NOB1: variants seen among roughly 807,000 people sequenced by gnomAD.
The protein encoded by NOB1 is RNA-binding protein NOB1.
In NOB1, 44 loss-of-function variants were observed where a neutral mutation model predicts 44.8. The ratio of observed to expected loss-of-function variants is 0.98; its 90% confidence interval spans 0.77 to 1.26. The LOEUF (loss-of-function observed/expected upper bound fraction) is 1.26. Ranked by LOEUF, NOB1 falls within the 50% of genes most tolerant of loss-of-function variation. NOB1 has a pLI of 0.00. For missense variants in NOB1, 560 were observed against 544.8 expected (o/e 1.03, Z -0.28); for synonymous variants, 238 against 218.7 (o/e 1.09, Z -0.78).
At position 69,748,181 on chromosome 16, in the gene NOB1, CAGGA is replaced by C. The variant is rs200686202; in HGVS notation, c.824+47_824+50del. The stretch of plus-strand genomic sequence containing the variant: ...CTGTTTCTCAAAACAAAAAAAGAAA[CAGGA>C]AGAGTGTTCCACAGAGGGCACCAGG... On this transcript the variant is annotated intron_variant, in intron 7 of 8. Coordinates refer to ENST00000268802, the MANE Select transcript of NOB1 (RefSeq NM_014062.3). 3.8e-5 allele frequency: 52 copies of C among 1,385,746 alleles called. 1 individual carries two copies. The East Asian group carries it at 1.2e-3, about 32-fold the overall frequency. 85.8% of individuals were successfully genotyped at this position (1,385,746 alleles called of 1,614,324 possible).
Position 69,748,952 on chromosome 16 carries a change from C to T in NOB1, c.692G>A (p.Arg231Gln), listed in dbSNP as rs3811348. The T allele has an allele frequency of 0.54, 874,467 of 1,611,064 alleles. 247,806 individuals carry two copies. Among genetic ancestry groups the T allele is most frequent in the Non-Finnish European group, 0.59 (691,280 of 1,178,058 alleles). The change falls in exon 6 of 9, where the codon CGG (arginine) becomes CAG (glutamine). Residue 231 changes from arginine (R) to glutamine (Q), a missense_variant. Transcript: ENST00000268802. ...LEQCDVPEDVRVGCLTTDFAM... is the reference protein window; with the variant it reads ...LEQCDVPEDVQVGCLTTDFAM... ...GAAGTCTGTGGTCAGGCAGCCAACC[C>T]GCACGTCCTCGGGGACGTCACACTG...
At chr16:69,746,812 CAGG>C (rs995637252) in intron 7 of NOB1, among the ~76,000 whole-genome samples, 1 of 151,194 alleles carries the variant, frequency 6.6e-6, no homozygotes, top group African/African-American at 2.4e-5. Flanking sequence ...GAGGCTGGGA[CAGG>C]AGAATTGCTT....
chr16:69,752,834 C>A (rs1329019219), intron 2 of NOB1, among the ~76,000 whole-genome samples: 2 of 152,006 alleles, frequency 1.3e-5, no homozygotes, highest in East Asian at 3.9e-4. Flanking sequence ...ACTCAGGAGG[C>A]GGAGGCAGGA....
intron 6 of NOB1, 145 bp from the exon 7 acceptor site, chr16:69,748,474 G>A: frequency 3.0e-6 from 2 of 671,254 alleles, no homozygotes; most frequent in Non-Finnish European, 2.6e-6. Context: ...CTCTCAAGAT[G>A]TGTAAACGAG....
At chr16:69,753,215 C>G (rs187097072) in intron 2 of NOB1, among the ~76,000 whole-genome samples, 4 of 151,988 alleles carry the variant, frequency 2.6e-5, no homozygotes, top group African/African-American at 9.7e-5. Flanking sequence ...CAGCCAGACT[C>G]CATCTCAAAA....
chr16:69,747,587 A>AC (rs2038444041), intron 7 of NOB1, among the ~76,000 whole-genome samples: 1 of 151,766 alleles, frequency 6.6e-6, no homozygotes, highest in Non-Finnish European at 1.5e-5. Flanking sequence ...TTTTATCTTC[A>AC]CCCCCACCCA....
At chr16:69,750,597 C>CAA (rs2038475025) in intron 3 of NOB1, among the ~76,000 whole-genome samples, 1 of 152,138 alleles carries the variant, frequency 6.6e-6, no homozygotes, top group Admixed American at 6.5e-5. Context: ...CACTGTACTC[C>CAA]AGCCCAGGTG....
intron 8 of NOB1, among the ~76,000 whole-genome samples, chr16:69,743,708 G>C (rs377552666): frequency 6.6e-6 from 1 of 152,288 alleles, no homozygotes; most frequent in East Asian, 1.9e-4. Flanking sequence ...GTCGAAAAAA[G>C]ACAAGATGAC....
chr16:69,745,548 G>A (rs1466516573), intron 7 of NOB1, among the ~76,000 whole-genome samples: 1 of 152,212 alleles, frequency 6.6e-6, no homozygotes, highest in Non-Finnish European at 1.5e-5. Flanking sequence ...CAGCTCTGGA[G>A]GCGGCAGAGC....
chr16:69,749,789 C>A (rs191635528), intron 3 of NOB1, among the ~76,000 whole-genome samples, 159 bp from the exon 4 acceptor site: 1 of 151,448 alleles, frequency 6.6e-6, no homozygotes, highest in Non-Finnish European at 1.5e-5. Flanking sequence ...ACCAGCCTGG[C>A]CAACGTGGCG....
chr16:69,742,890 G>GT (rs1368950720), intron 8 of NOB1, among the ~76,000 whole-genome samples: 1 of 152,130 alleles, frequency 6.6e-6, no homozygotes, highest in Non-Finnish European at 1.5e-5. Flanking sequence ...ACACACACAT[G>GT]TATGTATTTC....
chr16:69,754,901 C>A lies in NOB1; in HGVS notation c.10G>T (p.Val4Leu). 6.3e-7 allele frequency: 1 copy of A among 1,588,254 alleles called. No homozygotes were observed. The highest frequency in any genetic ancestry group is 8.6e-7 in the Non-Finnish European group (1 of 1,168,486). ...CCAGCATCCGCCACAACGTGCTCCA[C>A]TGGAGCCATGTTGGCTGCGTGAGAG... MAPVEHVVADAGAF... is the reference protein window; with the variant it reads MAPLEHVVADAGAF... Residue 4 changes from valine to leucine, a missense_variant, in exon 1 of 9, where the codon GTG becomes TTG. By Grantham distance (32) the Val-to-Leu change is conservative. Transcript: ENST00000268802.
chr16:69,743,358 C>T lies in NOB1; in HGVS notation c.970-757G>A, dbSNP rs771051943. On this transcript the variant is annotated intron_variant, in intron 8 of 8. Transcript: ENST00000268802. ...TTCAGGCAACTTTAGGTAAGTTCAACGAGAAATAATATATACAAAGTCTCA... is the reference window on the plus strand; with the variant it reads ...TTCAGGCAACTTTAGGTAAGTTCAATGAGAAATAATATATACAAAGTCTCA... Among the ~76,000 whole-genome samples the T allele has an allele frequency of 7.2e-5, 11 of 152,224 alleles. 1 individual carries two copies. The highest frequency in any genetic ancestry group is 3.9e-4 in the Admixed American group (6 of 15,278).
chr16:69,742,844 C>T (rs1271229100), intron 8 of NOB1, among the ~76,000 whole-genome samples: 2 of 152,132 alleles, frequency 1.3e-5, no homozygotes, highest in Non-Finnish European at 2.9e-5. Flanking sequence ...AAAGACAATA[C>T]AGAAATAGAA....
In NOB1 at chr16:69,754,873, G is replaced by A. The variant is rs1206442278; in HGVS notation, c.38C>T (p.Ala13Val). The change falls in exon 1 of 9, where the codon GCT (alanine) becomes GTT (valine). Residue 13 changes from alanine (A) to valine (V), a missense_variant. By Grantham distance (64) the Ala-to-Val change is moderately conservative (BLOSUM62 0). Coordinates refer to ENST00000268802, the MANE Select transcript of NOB1 (RefSeq NM_014062.3). ...PVEHVVADAG[A>V]FLRHAALQDI... ...CTGCAGAGCCGCATGCCGCAGGAAA[G>A]CCCCAGCATCCGCCACAACGTGCTC... The A allele has an allele frequency of 1.3e-6, 2 of 1,596,122 alleles. No homozygotes were observed. Among genetic ancestry groups the A allele is most frequent in the Admixed American group, 1.8e-5 (1 of 57,088 alleles).
chr16:69,742,213 G>A lies in NOB1; in HGVS notation c.*119C>T, dbSNP rs1048068756. The A allele has an allele frequency of 3.4e-5, 46 of 1,344,030 alleles. No homozygotes were observed. The highest frequency in any genetic ancestry group is 4.4e-5 in the Admixed American group (2 of 45,602). 83.3% of individuals were successfully genotyped at this position (1,344,030 alleles called of 1,614,324 possible). On this transcript the variant is annotated 3_prime_UTR_variant, in exon 9 of 9. Coordinates refer to ENST00000268802, the MANE Select transcript of NOB1 (RefSeq NM_014062.3). ...GGGCATGGGCGGACAGAGCCGCACC[G>A]TGAAGCCCGCCTGTTATTTCCATCG...
chr16:69,746,690 G>A (rs887930055), intron 7 of NOB1, among the ~76,000 whole-genome samples: 17 of 152,110 alleles, frequency 1.1e-4, no homozygotes, highest in African/African-American at 3.6e-4. Flanking sequence ...CAGATCACTT[G>A]AGCTCAGGCA....
chr16:69,753,762 G>A (rs2038501547), intron 2 of NOB1, among the ~76,000 whole-genome samples: 1 of 152,142 alleles, frequency 6.6e-6, no homozygotes, highest in African/African-American at 2.4e-5. Context: ...CCCAACAAGA[G>A]AACAACGCTG....
At position 69,746,665 on chromosome 16, in the gene NOB1, G is replaced by T. The variant is rs145957389; in HGVS notation, c.824+1567C>A. ...TCATGCCTGCAATCGCAGCTCTTTG[G>T]GAGGCCGAGGCAGGCAGATCACTTG... On this transcript the variant is annotated intron_variant, in intron 7 of 8. Coordinates refer to ENST00000268802, the MANE Select transcript of NOB1 (RefSeq NM_014062.3). Among the ~76,000 whole-genome samples, 1,331 of 152,266 alleles carry T rather than the reference G, an allele frequency of 8.7e-3. 19 individuals carry two copies. The highest frequency in any genetic ancestry group is 0.031 in the African/African-American group (1,275 of 41,538).
Sources: allele counts gnomAD v4.1 joint callset (sites outside exome capture counted in the v4.1 genomes callset), GRCh38; gene constraint gnomAD v4.1.1; transcripts MANE v1.5; gene names NCBI Gene and HGNC (gene_info 2026-07-23, HGNC 2026-07-21).